Variants in PSMD14 observed in about 807,000 individuals in gnomAD.
PSMD14 encodes proteasome 26S subunit, non-ATPase 14.
In PSMD14, 7 loss-of-function variants were observed where a neutral mutation model predicts 41.2. The ratio of observed to expected loss-of-function variants is 0.17; its 90% CI spans 0.10 to 0.32. The LOEUF is 0.32. PSMD14 is among the 10% of genes least tolerant of loss of function. The pLI, the probability that PSMD14 is intolerant of heterozygous loss-of-function variation, is 1.00. For synonymous variants in PSMD14, 114 were observed against 122.3 expected (o/e 0.93, Z 0.45); for missense variants, 139 against 375.6 (o/e 0.37, Z 5.21).
intron 9 of PSMD14, among the ~76,000 whole-genome samples, chr2:161,393,364 T>C (rs983448333): frequency 2.0e-5 from 3 of 152,142 alleles, no homozygotes; most frequent in East Asian, 1.9e-4. Flanking sequence ...ACTGAAATCA[T>C]CTGTGGAGGG....
intron 3 of PSMD14, among the ~76,000 whole-genome samples, chr2:161,321,688 A>G (rs1682610666): frequency 6.6e-6 from 1 of 152,222 alleles, no homozygotes; most frequent in Non-Finnish European, 1.5e-5. Flanking sequence ...ATAATTCACT[A>G]GAACAACTGA....
chr2:161,395,038 T>C lies in PSMD14; in HGVS notation c.646-40T>C, dbSNP rs763365184. The C allele has an allele frequency of 5.9e-6, 9 of 1,519,328 alleles. No homozygotes were observed. In the East Asian group the frequency reaches 1.9e-4, roughly 32 times the overall value. The allele number at this position is 1,519,328 out of a possible 1,614,324, so 94.1% of individuals were successfully genotyped here. ...TCTCTAGACAATGAAGGGGGTATCCTCAAGGCAGAAAAAGAATTACTTTTT... is the reference window on the plus strand; with the variant it reads ...TCTCTAGACAATGAAGGGGGTATCCCCAAGGCAGAAAAAGAATTACTTTTT... On this transcript the variant is annotated intron_variant, in intron 9 of 11. Coordinates refer to ENST00000409682, the MANE Select transcript of PSMD14 (RefSeq NM_005805.6).
intron 10 of PSMD14, among the ~76,000 whole-genome samples, chr2:161,405,229 CTAAG>C (rs909872467): frequency 2.6e-5 from 4 of 152,164 alleles, no homozygotes; most frequent in African/African-American, 9.7e-5. Flanking sequence ...CCTGTTACTA[CTAAG>C]TATCACATGA....
chr2:161,323,275 ATTAGTT>A (rs1682637819), intron 3 of PSMD14, among the ~76,000 whole-genome samples: 1 of 152,062 alleles, frequency 6.6e-6, no homozygotes, highest in Admixed American at 6.5e-5. Context: ...TTTCTTTTCC[ATTAGTT>A]TTTATCATGC....
At chr2:161,311,114 A>C (rs1452388200) in intron 1 of PSMD14, among the ~76,000 whole-genome samples, 1 of 152,210 alleles carries the variant, frequency 6.6e-6, no homozygotes, top group Non-Finnish European at 1.5e-5. Context: ...CAGTCTGGCC[A>C]ACATGGCGAA....
intron 3 of PSMD14, among the ~76,000 whole-genome samples, chr2:161,340,192 C>G (rs1248678489): frequency 6.6e-6 from 1 of 152,100 alleles, no homozygotes; most frequent in African/African-American, 2.4e-5. Flanking sequence ...CGAGATTCCT[C>G]TAGATGAAAA....
At chr2:161,404,051 A>C (rs1261538696) in intron 10 of PSMD14, among the ~76,000 whole-genome samples, 1 of 150,302 alleles carries the variant, frequency 6.7e-6, no homozygotes, top group Non-Finnish European at 1.5e-5. Context: ...GACTCCAAGC[A>C]CTCACCACTA....
chr2:161,315,350 G>A (rs573105461), intron 1 of PSMD14, among the ~76,000 whole-genome samples: 5 of 152,234 alleles, frequency 3.3e-5, no homozygotes, highest in Admixed American at 6.5e-5. Flanking sequence ...AGACTAGAGT[G>A]CTATAATCTG....
intron 10 of PSMD14, among the ~76,000 whole-genome samples, chr2:161,398,140 A>G (rs927944425): frequency 6.6e-6 from 1 of 152,162 alleles, no homozygotes; most frequent in African/African-American, 2.4e-5. Context: ...AGGTTTGGTT[A>G]TAAAATGAAA....
chr2:161,370,298 A>G (rs942284269), intron 6 of PSMD14, 121 bp downstream of exon 6: 5 of 748,102 alleles, frequency 6.7e-6, no homozygotes, highest in Non-Finnish European at 1.0e-5. Context: ...TTGACATAAA[A>G]GTATCTGTAA....
rs531447153 is a variant in PSMD14, at chr2:161,386,549, G to A, written c.570+978G>A. On this transcript the variant is annotated intron_variant, in intron 8 of 11. Transcript: ENST00000409682. ...AAGTGTTTTGTTTTAAAGGATTGAGGTGTGTTGATTTGAAAAAAAAAAATG... is the reference window on the plus strand; with the variant it reads ...AAGTGTTTTGTTTTAAAGGATTGAGATGTGTTGATTTGAAAAAAAAAAATG... Among the ~76,000 whole-genome samples the A allele has an allele frequency of 2.6e-5, 4 of 151,504 alleles. No individual in the cohort carries two copies. The South Asian group carries it at 8.3e-4, about 31-fold the overall frequency.
chr2:161,411,663 G>T lies in PSMD14; in HGVS notation c.*263G>T, dbSNP rs374221229. 154 of 219,562 alleles carry T rather than the reference G, an allele frequency of 7.0e-4. 2 individuals are homozygous for T. The highest frequency in any genetic ancestry group is 1.4e-3 in the Admixed American group (25 of 17,384). 13.6% of individuals were successfully genotyped at this position (219,562 alleles called of 1,614,324 possible). On this transcript the variant is annotated 3_prime_UTR_variant, in exon 12 of 12. Coordinates refer to ENST00000409682, the MANE Select transcript of PSMD14 (RefSeq NM_005805.6). ...TCCCATTTAATATTTGAAAAAATCAGTAGCACAAATATATTTTGATTGTCA... is the reference window on the plus strand; with the variant it reads ...TCCCATTTAATATTTGAAAAAATCATTAGCACAAATATATTTTGATTGTCA...
intron 2 of PSMD14, among the ~76,000 whole-genome samples, chr2:161,317,746 A>G (rs1689161394): frequency 6.6e-6 from 1 of 152,320 alleles, no homozygotes; most frequent in East Asian, 1.9e-4. Flanking sequence ...TTTATATAGC[A>G]ATTTGAACTC....
intron 10 of PSMD14, among the ~76,000 whole-genome samples, chr2:161,402,822 A>C (rs754314405): frequency 1.3e-5 from 2 of 152,238 alleles, no homozygotes; most frequent in Non-Finnish European, 2.9e-5. Flanking sequence ...TTACAAACAC[A>C]TAAAAAAGAT....
chr2:161,351,066 C>T (rs1341247128), intron 3 of PSMD14, among the ~76,000 whole-genome samples: 1 of 152,184 alleles, frequency 6.6e-6, no homozygotes, highest in African/African-American at 2.4e-5. Flanking sequence ...GAATTTATTA[C>T]TCTATTCATT....
chr2:161,352,711 T>G (rs375731865), intron 3 of PSMD14, among the ~76,000 whole-genome samples: 3 of 152,208 alleles, frequency 2.0e-5, no homozygotes, highest in East Asian at 3.8e-4. Flanking sequence ...TGTGTGGTGC[T>G]TTCTTTTTCT....
chr2:161,376,242 C>T (rs1267981081), intron 7 of PSMD14, among the ~76,000 whole-genome samples: 2 of 151,364 alleles, frequency 1.3e-5, no homozygotes, highest in Admixed American at 1.3e-4. Context: ...CAAGCCTTAC[C>T]TAATTTTCTT....
chr2:161,357,753 A>C (rs539565155), intron 3 of PSMD14, among the ~76,000 whole-genome samples: 4 of 152,272 alleles, frequency 2.6e-5, no homozygotes, highest in African/African-American at 4.8e-5. Flanking sequence ...CTTATTTTAT[A>C]GTGGCATTGT....
intron 5 of PSMD14, 97 bp downstream of exon 5, chr2:161,368,000 T>G: frequency 7.5e-7 from 1 of 1,325,856 alleles, no homozygotes; most frequent in East Asian, 2.6e-5. Context: ...CATTTTCTCT[T>G]TCCAGTAGGA....
Sources: gnomAD v4.1 joint callset for allele counts (sites outside exome capture counted in the v4.1 genomes callset) on GRCh38, gnomAD v4.1.1 for gene constraint, MANE v1.5 for transcripts, NCBI Gene and HGNC (gene_info 2026-07-23, HGNC 2026-07-21) for gene names.